Variants in HS3ST4 observed in about 807,000 individuals in gnomAD.
HS3ST4 encodes heparan sulfate-glucosamine 3-sulfotransferase 4.
In HS3ST4, 17 loss-of-function variants were observed where a neutral mutation model predicts 29.2. The ratio of observed to expected loss-of-function variants is 0.58; its 90% confidence interval spans 0.40 to 0.87. The LOEUF (loss-of-function observed/expected upper bound fraction) is 0.87, where lower values mean the gene tolerates loss of function less well. HS3ST4 is among the 40% of genes least tolerant of loss of function. The pLI, the probability that HS3ST4 is intolerant of heterozygous loss-of-function variation, is 0.00. For missense variants in HS3ST4, 627 were observed against 634.5 expected (o/e 0.99, Z 0.13); for synonymous variants, 314 against 285.7 (o/e 1.10, Z -1.00).
At chr16:25,695,056 A>G (rs1966284555) in intron 1 of HS3ST4, among the ~76,000 whole-genome samples, 5 of 152,212 alleles carry the variant, frequency 3.3e-5, no homozygotes, top group Admixed American at 2.0e-4. Flanking sequence ...TAGGAAGAGA[A>G]GGTATAGAAA....
At chr16:25,770,871 T>C (rs1218298054) in intron 1 of HS3ST4, among the ~76,000 whole-genome samples, 3 of 152,192 alleles carry the variant, frequency 2.0e-5, no homozygotes, top group Non-Finnish European at 4.4e-5. Flanking sequence ...TATTCAGTGC[T>C]TATGACGTGT....
chr16:26,115,349 T>C (rs1899188510), intron 1 of HS3ST4, among the ~76,000 whole-genome samples: 1 of 151,386 alleles, frequency 6.6e-6, no homozygotes, highest in Non-Finnish European at 1.5e-5. Context: ...GGTTTTTCCT[T>C]TGGGTAGCAT....
intron 1 of HS3ST4, among the ~76,000 whole-genome samples, chr16:25,796,064 CTTCT>C (rs1271331460): frequency 3.3e-5 from 5 of 152,106 alleles, no homozygotes; most frequent in African/African-American, 1.2e-4. Flanking sequence ...CTGTTCTTTC[CTTCT>C]GTCTCGGATA....
At chr16:25,892,259 G>A (rs1317375904) in intron 1 of HS3ST4, among the ~76,000 whole-genome samples, 5 of 152,172 alleles carry the variant, frequency 3.3e-5, no homozygotes, top group African/African-American at 4.8e-5. Flanking sequence ...GCAGGCATGC[G>A]GCAAGCTGAA....
intron 1 of HS3ST4, among the ~76,000 whole-genome samples, chr16:25,725,571 A>G (rs1021889858): frequency 2.0e-5 from 3 of 152,084 alleles, no homozygotes; most frequent in African/African-American, 2.4e-5. Flanking sequence ...AGATAATACT[A>G]ATAGTTAAAT....
intron 1 of HS3ST4, among the ~76,000 whole-genome samples, chr16:26,050,789 C>T (rs112452323): frequency 0.015 from 2,264 of 152,274 alleles, 50 homozygotes; most frequent in African/African-American, 0.05. Context: ...TGTGTGAAGG[C>T]ATGCATCCAG....
At chr16:25,805,536 C>T (rs564440890) in intron 1 of HS3ST4, among the ~76,000 whole-genome samples, 1 of 151,962 alleles carries the variant, frequency 6.6e-6, no homozygotes, top group South Asian at 2.1e-4. Context: ...GTGATTTCAC[C>T]CTGGTATCGG....
chr16:25,702,262 A>G (rs2141581015), intron 1 of HS3ST4, among the ~76,000 whole-genome samples: 1 of 152,348 alleles, frequency 6.6e-6, no homozygotes, highest in East Asian at 1.9e-4. Flanking sequence ...TGGAAACAAT[A>G]ATAGAATTCA....
intron 1 of HS3ST4, among the ~76,000 whole-genome samples, chr16:26,129,039 C>T (rs548572755): frequency 2.6e-5 from 4 of 152,356 alleles, no homozygotes; most frequent in African/African-American, 9.6e-5. Flanking sequence ...AAGCTCCACT[C>T]CTGACCCTTC....
chr16:26,136,540 G>T lies in HS3ST4; in HGVS notation c.*292G>T. 2 of 444,222 alleles carry T rather than the reference G, an allele frequency of 4.5e-6. No individual in the cohort carries two copies. The highest frequency in any genetic ancestry group is 5.7e-5 in the South Asian group (2 of 35,018). The allele number at this position is 444,222 out of a possible 1,614,324, so 27.5% of individuals were successfully genotyped here. On this transcript the variant is annotated 3_prime_UTR_variant, in exon 2 of 2. Transcript: ENST00000331351. ...CTAGTTAATATAGCCTGAAGACAGA[G>T]GATAAATAGTTGTCAATGTCAGAGA...
At chr16:26,128,640 A>T (rs1029696156) in intron 1 of HS3ST4, among the ~76,000 whole-genome samples, 1 of 152,212 alleles carries the variant, frequency 6.6e-6, no homozygotes, top group African/African-American at 2.4e-5. Flanking sequence ...AAACACAATG[A>T]ACTTTCCAGC....
chr16:25,943,941 A>AATC lies in HS3ST4; in HGVS notation c.735-191670_735-191668dup, dbSNP rs143699755. ...TCGTACATTTAGATATTTAACTATA[A>AATC]ATCGCTTTCAGATGATTTATAAACT... On this transcript the variant is annotated intron_variant, in intron 1 of 1. Coordinates refer to ENST00000331351, the MANE Select transcript of HS3ST4 (RefSeq NM_006040.3). Among the ~76,000 whole-genome samples, 750 of 152,222 alleles carry AATC rather than the reference A, an allele frequency of 4.9e-3. 8 individuals are homozygous for AATC. The highest frequency in any genetic ancestry group is 0.017 in the African/African-American group (706 of 41,526).
chr16:26,043,524 T>C (rs1322083889), intron 1 of HS3ST4, among the ~76,000 whole-genome samples: 1 of 152,160 alleles, frequency 6.6e-6, no homozygotes, highest in Non-Finnish European at 1.5e-5. Context: ...ATTATAGGAA[T>C]AATAGGAAGA....
rs1191181973 is a variant in HS3ST4, at chr16:25,914,038, A to ATG, written c.734+220896_734+220897dup. Among the ~76,000 whole-genome samples the ATG allele has an allele frequency of 2.5e-5, 3 of 121,952 alleles. No individual in the cohort carries two copies. In the South Asian group the frequency reaches 8.6e-4, roughly 35 times the overall value. 80.0% of individuals were successfully genotyped at this position (121,952 alleles called of 152,430 possible). On this transcript the variant is annotated intron_variant, in intron 1 of 1. Transcript: ENST00000331351. ...ATGTGGATGTGGAGGGAGCATGTGTATGTGTGTGTGGGGTGTGTGTGTGCA... is the reference window on the plus strand; with the variant it reads ...ATGTGGATGTGGAGGGAGCATGTGTATGTGTGTGTGTGGGGTGTGTGTGTGCA...
chr16:25,755,686 C>T (rs530372123), intron 1 of HS3ST4, among the ~76,000 whole-genome samples: 8 of 152,290 alleles, frequency 5.3e-5, no homozygotes, highest in African/African-American at 1.9e-4. Context: ...ACTTAGATTT[C>T]TAGCTTCTCT....
At chr16:26,006,661 G>A (rs1035736952) in intron 1 of HS3ST4, among the ~76,000 whole-genome samples, 1 of 152,140 alleles carries the variant, frequency 6.6e-6, no homozygotes. Flanking sequence ...CACCATTGGT[G>A]GTCAGAAGTG....
At chr16:26,039,957 C>G (rs1234451296) in intron 1 of HS3ST4, among the ~76,000 whole-genome samples, 4 of 152,266 alleles carry the variant, frequency 2.6e-5, no homozygotes, top group Non-Finnish European at 4.4e-5. Flanking sequence ...TGTTCTTATA[C>G]CAGTCTCTCA....
chr16:25,697,869 C>T (rs571649888), intron 1 of HS3ST4, among the ~76,000 whole-genome samples: 2 of 152,200 alleles, frequency 1.3e-5, no homozygotes, highest in South Asian at 4.2e-4. Context: ...GACGGGGTTT[C>T]ACCATGTTGG....
intron 1 of HS3ST4, among the ~76,000 whole-genome samples, chr16:26,131,927 T>C (rs1043611934): frequency 1.1e-4 from 16 of 152,172 alleles, no homozygotes; most frequent in African/African-American, 3.9e-4. Flanking sequence ...TGGTGTTGAA[T>C]TACTCTTGCT....
Sources: gnomAD v4.1 joint callset for allele counts (sites outside exome capture counted in the v4.1 genomes callset) on GRCh38, gnomAD v4.1.1 for gene constraint, MANE v1.5 for transcripts, NCBI Gene and HGNC (gene_info 2026-07-23, HGNC 2026-07-21) for gene names.